GALNT11: variants seen among roughly 807,000 people sequenced by gnomAD.
GALNT11 encodes polypeptide N-acetylgalactosaminyltransferase 11, also known as UDP-GalNAc:polypeptide N-acetylgalactosaminyltransferase 11.
A neutral mutation model predicts 72.7 loss-of-function variants in GALNT11; 47 were observed. The ratio of observed to expected loss-of-function variants is 0.65; its 90% CI spans 0.51 to 0.82. The LOEUF is 0.82. Among genes scored for constraint, GALNT11 ranks in the 40% least tolerant of loss-of-function variants. GALNT11 has a pLI of 0.00. For missense variants in GALNT11, 677 were observed against 778.4 expected (o/e 0.87, Z 1.55); for synonymous variants, 270 against 286.6 (o/e 0.94, Z 0.58).
intron 1 of GALNT11, among the ~76,000 whole-genome samples, chr7:152,026,221 C>T (rs920585106): frequency 9.8e-5 from 15 of 152,308 alleles, no homozygotes; most frequent in South Asian, 2.1e-4. Flanking sequence ...TCAGTATTGT[C>T]CACTTTTTAA....
At chr7:152,026,267 T>C (rs1030408178) in intron 1 of GALNT11, among the ~76,000 whole-genome samples, 1 of 152,200 alleles carries the variant, frequency 6.6e-6, no homozygotes, top group Non-Finnish European at 1.5e-5. Flanking sequence ...AGTTCACACA[T>C]ACACAAAACT....
At chr7:152,101,641 T>TTG (rs2086898249) in intron 3 of GALNT11, among the ~76,000 whole-genome samples, 1 of 121,000 alleles carries the variant, frequency 8.3e-6, no homozygotes, top group African/African-American at 3.6e-5. Context: ...TGGCTTTTTT[T>TTG]TGGGGGGGGG....
chr7:152,110,551 T>C lies in GALNT11; in HGVS notation c.986T>C (p.Leu329Ser). The change falls in exon 7 of 12, where the codon TTG (leucine) becomes TCG (serine). Residue 329 changes from leucine (L) to serine (S), a missense_variant. Leu to Ser is a moderately radical substitution (Grantham distance 145). Transcript: ENST00000430044. ...PIKSPTMAGG[L>S]FAMNRQYFHE... ...AGGTCACCAACAATGGCTGGAGGTT[T>C]GTTTGCCATGAACAGACAGTATTTC... 6.2e-7 allele frequency: 1 copy of C among 1,613,580 alleles called. No homozygotes were observed. The highest frequency in any genetic ancestry group is 8.5e-7 in the Non-Finnish European group (1 of 1,179,908).
chr7:152,091,992 G>T (rs1405686166), intron 1 of GALNT11, among the ~76,000 whole-genome samples: 1 of 152,180 alleles, frequency 6.6e-6, no homozygotes, highest in Non-Finnish European at 1.5e-5. Flanking sequence ...AAGCGGGAAG[G>T]CCGGGAGTGG....
rs148243966 is a variant in GALNT11, at chr7:152,066,215, G to A, written c.-38-27975G>A. 2.2e-3 allele frequency among the ~76,000 whole-genome samples: 340 copies of A among 152,326 alleles called. 4 individuals carry two copies. The East Asian group carries it at 0.035, about 16-fold the overall frequency. ...CTGTGTTAGCAATGAGCAAGGCTCCGTGGGCGTGGGACCCTCCGAGCCAGG... is the reference window on the plus strand; with the variant it reads ...CTGTGTTAGCAATGAGCAAGGCTCCATGGGCGTGGGACCCTCCGAGCCAGG... On this transcript the variant is annotated intron_variant, in intron 1 of 11. Transcript: ENST00000430044.
At chr7:152,030,972 G>A (rs1586900153) in intron 1 of GALNT11, among the ~76,000 whole-genome samples, 2 of 152,298 alleles carry the variant, frequency 1.3e-5, no homozygotes, top group Non-Finnish European at 2.9e-5. Context: ...TAACTCCATG[G>A]TTTCCTTGTG....
In GALNT11 at chr7:152,094,411, G is replaced by T. The variant is rs1467832493; in HGVS notation, c.184G>T (p.Gly62Cys). The change falls in exon 2 of 12, where the codon GGC becomes TGC. Residue 62 changes from glycine (G) to cysteine (C), a missense_variant. Gly to Cys is a radical substitution (Grantham distance 159). Transcript: ENST00000430044. The surrounding 1 kb of genome is among the most constrained non-coding windows in gnomAD (Gnocchi z 4.3). ...AAAATTCTATCCCCGTTTCACTCGA[G>T]GCCCAAGTCGAGTGCTCGAGCCACA... is the stretch of plus-strand genomic sequence containing the variant. ...PKKFYPRFTR[G>C]PSRVLEPQFK... 9 of 1,614,142 alleles carry T rather than the reference G, an allele frequency of 5.6e-6. 1 individual carries two copies. In the South Asian group the frequency reaches 9.9e-5, roughly 18 times the overall value.
At chr7:152,102,827 C>G (rs1051582598) in intron 3 of GALNT11, among the ~76,000 whole-genome samples, 1 of 151,234 alleles carries the variant, frequency 6.6e-6, no homozygotes, top group Admixed American at 6.6e-5. Flanking sequence ...ACTAAAAATG[C>G]AGAATTAGCC....
intron 10 of GALNT11, 48 bp from the exon 11 acceptor site, chr7:152,120,783 C>G: frequency 6.8e-7 from 1 of 1,464,936 alleles, no homozygotes; most frequent in Non-Finnish European, 9.5e-7. Context: ...AAGTGTTGTT[C>G]AGTCTTAAAA....
At chr7:152,053,001 G>A (rs1489297166) in intron 1 of GALNT11, among the ~76,000 whole-genome samples, 1 of 152,184 alleles carries the variant, frequency 6.6e-6, no homozygotes, top group Non-Finnish European at 1.5e-5. Flanking sequence ...TAAAGTTGAC[G>A]AGTGCGGGCA....
intron 1 of GALNT11, among the ~76,000 whole-genome samples, chr7:152,089,171 G>A (rs924615047): frequency 2.0e-5 from 3 of 152,104 alleles, no homozygotes; most frequent in African/African-American, 7.2e-5. Context: ...TGATGGGTTG[G>A]GGATGAAATC....
At position 152,121,901 on chromosome 7, in the gene GALNT11, A is replaced by T. The variant is rs1463909335; in HGVS notation, c.*224A>T. 2.1e-6 allele frequency: 1 copy of T among 475,068 alleles called. No homozygotes were observed. The highest frequency in any genetic ancestry group is 2.0e-5 in the African/African-American group (1 of 51,122). The allele number at this position is 475,068 out of a possible 1,614,324, so 29.4% of individuals were successfully genotyped here. A position where few individuals can be genotyped will look rare whatever the true frequency, so the allele number is the denominator to read the frequency against. On this transcript the variant is annotated 3_prime_UTR_variant, in exon 12 of 12. Transcript: ENST00000430044. ...TGAAGAAGTGAGTGTCCACGGGTGA[A>T]GAAGTGAGTATGTTTCACCTGGACA...
At position 152,118,666 on chromosome 7, in the gene GALNT11, C is replaced by T. The variant is rs2089125336; in HGVS notation, c.1453-12C>T. 6.2e-6 allele frequency: 10 copies of T among 1,605,466 alleles called. No individual in the cohort carries two copies. The highest frequency in any genetic ancestry group is 8.5e-6 in the Non-Finnish European group (10 of 1,176,006). ...TTGTTTCCCACATTCTGAGCTGTGCCTTCTCTTACAGCTCTATCACCTCCA... is the reference window on the plus strand; with the variant it reads ...TTGTTTCCCACATTCTGAGCTGTGCTTTCTCTTACAGCTCTATCACCTCCA... On this transcript the variant is annotated splice_polypyrimidine_tract_variant and intron_variant, in intron 9 of 11. Transcript: ENST00000430044.
intron 1 of GALNT11, among the ~76,000 whole-genome samples, chr7:152,069,985 T>TTTTTTC (rs1185521088): frequency 2.0e-5 from 3 of 147,158 alleles, no homozygotes; most frequent in South Asian, 4.2e-4. Flanking sequence ...TTCTTTTTTC[T>TTTTTTC]TTTTTCTTTT....
intron 1 of GALNT11, among the ~76,000 whole-genome samples, chr7:152,035,389 A>G (rs1033125359): frequency 1.3e-5 from 2 of 152,136 alleles, no homozygotes; most frequent in Non-Finnish European, 2.9e-5. Context: ...GGCAAGAGAA[A>G]GTTTTTCTGA....
intron 1 of GALNT11, among the ~76,000 whole-genome samples, chr7:152,061,368 A>C (rs2084005173): frequency 6.6e-6 from 1 of 152,022 alleles, no homozygotes; most frequent in Non-Finnish European, 1.5e-5. Context: ...TAGATTCTAG[A>C]TATTAGCCCT....
At chr7:152,030,291 G>C (rs1255661743) in intron 1 of GALNT11, among the ~76,000 whole-genome samples, 1 of 152,102 alleles carries the variant, frequency 6.6e-6, no homozygotes, top group Non-Finnish European at 1.5e-5. Context: ...AGACCAAGGA[G>C]CCCTCTGGTG....
chr7:152,108,639 T>C (rs1229841587), intron 6 of GALNT11, among the ~76,000 whole-genome samples: 2 of 152,232 alleles, frequency 1.3e-5, no homozygotes, highest in African/African-American at 4.8e-5. Flanking sequence ...TTCAGTTCTT[T>C]GGTAGCCGGA....
Position 152,052,307 on chromosome 7 carries a change from G to A in GALNT11, c.-39+26423G>A, listed in dbSNP as rs187306630. 9.4e-4 allele frequency among the ~76,000 whole-genome samples: 143 copies of A among 152,102 alleles called. 1 individual carries two copies. The highest frequency in any genetic ancestry group is 3.1e-3 in the African/African-American group (130 of 41,480). Reference sequence around the variant, plus strand: ...TTTGGCTATTGGGAATACTGTTGCTGTGAACATGTGTTCACAGGTATCTGA... The same window carrying A: ...TTTGGCTATTGGGAATACTGTTGCTATGAACATGTGTTCACAGGTATCTGA... On this transcript the variant is annotated intron_variant, in intron 1 of 11. Transcript: ENST00000430044.
Sources: allele counts gnomAD v4.1 joint callset (sites outside exome capture counted in the v4.1 genomes callset), GRCh38; gene constraint gnomAD v4.1.1; non-coding constraint Gnocchi (gnomAD v3.1); transcripts MANE v1.5; gene names NCBI Gene and HGNC (gene_info 2026-07-23, HGNC 2026-07-21).